The following DAAM1 variants were observed in gnomAD, a reference collection of about 807,000 sequenced individuals.
The protein encoded by DAAM1 is dishevelled associated activator of morphogenesis 1, also known as disheveled-associated activator of morphogenesis 1.
In DAAM1, 52 loss-of-function variants were observed where a neutral mutation model predicts 130.0. The observed-to-expected ratio is 0.40, with a 90% confidence interval of 0.32 to 0.50. The LOEUF (loss-of-function observed/expected upper bound fraction) is 0.50. Ranked by LOEUF, DAAM1 falls within the 20% of genes least tolerant of loss-of-function variation. DAAM1 has a pLI of 0.61. For synonymous variants in DAAM1, 452 were observed against 444.5 expected, an observed-to-expected ratio of 1.02 and a Z score of -0.21; for missense variants, 1,134 against 1,303.8, an observed-to-expected ratio of 0.87 and a Z score of 2.01.
At chr14:59,344,480 G>C (rs1885988753) in intron 16 of DAAM1, among the ~76,000 whole-genome samples, 1 of 152,176 alleles carries the variant, frequency 6.6e-6, no homozygotes, top group African/African-American at 2.4e-5. Flanking sequence ...TAATTACAGA[G>C]ATTAGAGACT....
rs554466232 is a variant in DAAM1, at chr14:59,331,994, C to T, written c.1968+74C>T. ...TTATGCATGATCTCTGGCCCATCAG[C>T]CATGGCCGTGATGTGACCGGCATAT... On this transcript the variant is annotated intron_variant, in intron 15 of 24. Coordinates refer to ENST00000360909, the MANE Select transcript of DAAM1 (RefSeq NM_001270520.2). 41 of 1,298,344 alleles carry T rather than the reference C, an allele frequency of 3.2e-5. No individual in the cohort carries two copies. In the African/African-American group the frequency reaches 5.0e-4, roughly 16 times the overall value. 80.4% of individuals were successfully genotyped at this position (1,298,344 alleles called of 1,614,324 possible).
chr14:59,330,477 A>G, intron 12 of DAAM1, 24 bp from the exon 13 acceptor site: 1 of 1,551,966 alleles, frequency 6.4e-7, no homozygotes, highest in Non-Finnish European at 8.7e-7. Flanking sequence ...TCCTGTTTTC[A>G]TGTCCAATTG....
chr14:59,221,939 C>G (rs1379706530), intron 1 of DAAM1, among the ~76,000 whole-genome samples: 1 of 152,214 alleles, frequency 6.6e-6, no homozygotes, highest in African/African-American at 2.4e-5. Context: ...GCCACCCACT[C>G]CCATTTCCAC....
intron 22 of DAAM1, 62 bp from the exon 23 acceptor site, chr14:59,363,589 G>C (rs1204150180): frequency 4.4e-6 from 7 of 1,591,358 alleles, no homozygotes; most frequent in Non-Finnish European, 6.0e-6. Context: ...AATATGAGAC[G>C]AGGTGTGTCT....
chr14:59,263,576 T>C lies in DAAM1; in HGVS notation c.99T>C (p.Asp33=), dbSNP rs1882282497. 6.2e-7 allele frequency: 1 copy of C among 1,614,076 alleles called. No individual in the cohort carries two copies. The change falls in exon 2 of 25, where the codon GAT becomes GAC. Residue 33 remains aspartate, a synonymous_variant. Transcript: ENST00000360909. ...HPEITYRLRN[D]SNFALQTMEP... ...AAATCACGTATCGGCTGCGAAATGA[T>C]AGCAACTTTGCGCTTCAGACCATGG...
At chr14:59,288,195 G>A (rs1883548200) in intron 2 of DAAM1, among the ~76,000 whole-genome samples, 1 of 152,164 alleles carries the variant, frequency 6.6e-6, no homozygotes, top group African/African-American at 2.4e-5. Flanking sequence ...TCAATAAATG[G>A]TGGTAGGATA....
At chr14:59,325,886 C>T in intron 9 of DAAM1, 74 bp from the exon 10 acceptor site, 2 of 1,545,354 alleles carry the variant, frequency 1.3e-6, no homozygotes, top group Non-Finnish European at 1.8e-6. Flanking sequence ...CTTCTGTTTG[C>T]TTTGAGTTTA....
chr14:59,244,456 C>T (rs1049105941), intron 1 of DAAM1, among the ~76,000 whole-genome samples: 4 of 152,078 alleles, frequency 2.6e-5, no homozygotes, highest in African/African-American at 9.7e-5. Flanking sequence ...CTTGAGAAGC[C>T]GGGGGTGTAT....
At chr14:59,248,149 A>G (rs1881477126) in intron 1 of DAAM1, among the ~76,000 whole-genome samples, 1 of 152,222 alleles carries the variant, frequency 6.6e-6, no homozygotes, top group African/African-American at 2.4e-5. Flanking sequence ...AAATTTTGCA[A>G]GAGAGGCAGT....
intron 3 of DAAM1, among the ~76,000 whole-genome samples, chr14:59,293,009 C>T (rs1192022791): frequency 6.6e-6 from 1 of 151,996 alleles, no homozygotes; most frequent in Non-Finnish European, 1.5e-5. Context: ...TATTATATAG[C>T]CTTTGGAAAC....
At chr14:59,307,481 A>G (rs551357717) in intron 3 of DAAM1, among the ~76,000 whole-genome samples, 1 of 152,372 alleles carries the variant, frequency 6.6e-6, no homozygotes, top group South Asian at 2.1e-4. Flanking sequence ...TTACCAATAC[A>G]GAATTTTAAA....
Position 59,340,173 on chromosome 14 carries a change from C to T in DAAM1, c.2068C>T (p.Leu690=). The T allele has an allele frequency of 1.9e-6, 3 of 1,612,980 alleles. No homozygotes were observed. The highest frequency in any genetic ancestry group is 2.5e-6 in the Non-Finnish European group (3 of 1,179,308). The change falls in exon 16 of 25, where the codon CTA becomes TTA. Residue 690 remains leucine, a synonymous_variant. Coordinates refer to ENST00000360909, the MANE Select transcript of DAAM1 (RefSeq NM_001270520.2). ...GRRAQNCNIL[L]SRLKLSNDEI... ...GAGAGCTCAGAATTGCAACATCCTTCTATCGAGGTATTGTTGATGTTGAAT... is the reference window on the plus strand; with the variant it reads ...GAGAGCTCAGAATTGCAACATCCTTTTATCGAGGTATTGTTGATGTTGAAT...
At chr14:59,217,516 A>C (rs1270988) in intron 1 of DAAM1, among the ~76,000 whole-genome samples, 64,698 of 151,894 alleles carry the variant, frequency 0.43, 13,847 homozygotes, top group Non-Finnish European at 0.43. Flanking sequence ...ATTGATTAGC[A>C]ATATGTAGCT....
At chr14:59,214,844 C>G (rs1888530377) in intron 1 of DAAM1, among the ~76,000 whole-genome samples, 1 of 152,198 alleles carries the variant, frequency 6.6e-6, no homozygotes, top group Admixed American at 6.5e-5. Context: ...TTTCACTTCT[C>G]TTGAGTAAAT....
intron 4 of DAAM1, among the ~76,000 whole-genome samples, chr14:59,319,041 TAA>T (rs777736261): frequency 6.6e-6 from 1 of 152,212 alleles, no homozygotes; most frequent in Non-Finnish European, 1.5e-5. Flanking sequence ...AGTGATTGCA[TAA>T]GAGTCCAAAC....
Position 59,230,741 on chromosome 14 carries a change from G to A in DAAM1, c.-37-32700G>A, listed in dbSNP as rs529327560. 9.2e-5 allele frequency among the ~76,000 whole-genome samples: 12 copies of A among 130,530 alleles called. No homozygotes were observed. In the South Asian group the frequency reaches 3.3e-3, roughly 36 times the overall value. 85.6% of individuals were successfully genotyped at this position (130,530 alleles called of 152,430 possible). On this transcript the variant is annotated intron_variant, in intron 1 of 24. Transcript: ENST00000360909. ...TGCATTTTAAAATAACTGAAAGAAT[G>A]TAACAAAGGATAAATGCTTGAGGGG...
chr14:59,268,381 T>C (rs1478700369), intron 2 of DAAM1, among the ~76,000 whole-genome samples: 1 of 152,250 alleles, frequency 6.6e-6, no homozygotes, highest in African/African-American at 2.4e-5. Context: ...AACTGGGTCA[T>C]ATGGTAACAC....
At chr14:59,192,566 G>A (rs1003713554) in intron 1 of DAAM1, among the ~76,000 whole-genome samples, 1 of 152,170 alleles carries the variant, frequency 6.6e-6, no homozygotes, top group Non-Finnish European at 1.5e-5. Context: ...ACTTGGGTTA[G>A]CAAACTTGTT....
intron 15 of DAAM1, 92 bp downstream of exon 15, chr14:59,332,012 C>T (rs536834421): frequency 7.3e-6 from 8 of 1,094,034 alleles, no homozygotes; most frequent in Admixed American, 2.1e-5. Flanking sequence ...GTGATGTGAC[C>T]GGCATATGAA....
Sources: allele counts gnomAD v4.1 joint callset (sites outside exome capture counted in the v4.1 genomes callset), GRCh38; gene constraint gnomAD v4.1.1; transcripts MANE v1.5; gene names NCBI Gene and HGNC (gene_info 2026-07-23, HGNC 2026-07-21).